The following CCSER1 variants were observed in gnomAD, a reference collection of about 807,000 sequenced individuals.
CCSER1 encodes the protein serine-rich coiled-coil domain-containing protein 1.
In CCSER1, 41 loss-of-function variants were observed where a neutral mutation model predicts 82.0. The ratio of observed to expected loss-of-function variants is 0.50; its 90% confidence interval spans 0.39 to 0.65. CCSER1 has a LOEUF of 0.65. Among genes scored for constraint, CCSER1 ranks in the 30% least tolerant of loss-of-function variants. The probability of loss-of-function intolerance (pLI) is 0.00; values close to 1 mark genes in which losing one functional copy is unlikely to be tolerated. For missense variants in CCSER1, 1,119 were observed against 1,064.2 expected, an observed-to-expected ratio of 1.05 and a Z score of -0.72; for synonymous variants, 414 against 383.9, an observed-to-expected ratio of 1.08 and a Z score of -0.92.
At chr4:91,523,207 C>T (rs1760586958) in intron 10 of CCSER1, among the ~76,000 whole-genome samples, 1 of 152,172 alleles carries the variant, frequency 6.6e-6, no homozygotes, top group Admixed American at 6.5e-5. Context: ...ACCAGCCTTG[C>T]ATCCCAGAAA....
intron 1 of CCSER1, among the ~76,000 whole-genome samples, chr4:90,128,833 CTCT>C (rs1722325870): frequency 6.6e-6 from 1 of 152,002 alleles, no homozygotes; most frequent in African/African-American, 2.4e-5. Context: ...CTCTTTCTCT[CTCT>C]CTCTCTCTCC....
At chr4:91,134,421 C>CAA (rs111247370) in intron 10 of CCSER1, among the ~76,000 whole-genome samples, 2,459 of 141,068 alleles carry the variant, frequency 0.017, 38 homozygotes, top group African/African-American at 0.041. Flanking sequence ...ACCCTGTCTA[C>CAA]AAAAAAAAAA....
chr4:90,874,909 A>G (rs1767000984), intron 8 of CCSER1, among the ~76,000 whole-genome samples: 1 of 152,022 alleles, frequency 6.6e-6, no homozygotes, highest in Non-Finnish European at 1.5e-5. Flanking sequence ...AGCTGGGCGT[A>G]GTGATGCATT....
At position 90,604,224 on chromosome 4, in the gene CCSER1, AT is replaced by A. The variant is rs570338045; in HGVS notation, c.1725-23793del. 2.3e-3 allele frequency among the ~76,000 whole-genome samples: 349 copies of A among 152,082 alleles called. 1 individual carries two copies. Among genetic ancestry groups the A allele is most frequent in the African/African-American group, 7.8e-3 (325 of 41,502 alleles). On this transcript the variant is annotated intron_variant, in intron 5 of 10. Coordinates refer to ENST00000509176, the MANE Select transcript of CCSER1 (RefSeq NM_001145065.2). Reference sequence around the variant, plus strand: ...AGCTGGGAAAAATTACAAAATCTGTATTTTTTTTCTATATCTCACAGAAATC... The same window carrying A: ...AGCTGGGAAAAATTACAAAATCTGTATTTTTTTCTATATCTCACAGAAATC...
intron 10 of CCSER1, among the ~76,000 whole-genome samples, chr4:91,403,743 G>A (rs1460294130): frequency 6.6e-6 from 1 of 152,160 alleles, no homozygotes; most frequent in Admixed American, 6.5e-5. Context: ...CAGGGAAGAA[G>A]CTGACTTCAT....
chr4:91,105,647 T>A (rs952022277), intron 10 of CCSER1, among the ~76,000 whole-genome samples: 1 of 152,054 alleles, frequency 6.6e-6, no homozygotes, highest in Non-Finnish European at 1.5e-5. Context: ...GAAGTTGCAG[T>A]GAGATGAGAT....
intron 8 of CCSER1, among the ~76,000 whole-genome samples, chr4:90,890,548 A>AC (rs1256634271): frequency 6.6e-6 from 1 of 152,172 alleles, no homozygotes; most frequent in East Asian, 1.9e-4. Context: ...CCTGAAAAAC[A>AC]TGGGCATGCC....
At chr4:91,280,799 C>T (rs1410441172) in intron 10 of CCSER1, among the ~76,000 whole-genome samples, 1 of 152,114 alleles carries the variant, frequency 6.6e-6, no homozygotes, top group African/African-American at 2.4e-5. Context: ...TGACAGCAGC[C>T]AGCAGCAGTA....
chr4:91,062,785 T>A (rs1417114603), intron 9 of CCSER1, among the ~76,000 whole-genome samples: 2 of 152,114 alleles, frequency 1.3e-5, no homozygotes, highest in African/African-American at 2.4e-5. Flanking sequence ...GATTTTTTTG[T>A]CATCTCACTA....
chr4:91,058,637 C>T (rs893024683), intron 9 of CCSER1, among the ~76,000 whole-genome samples: 18 of 152,046 alleles, frequency 1.2e-4, no homozygotes, highest in African/African-American at 4.3e-4. Flanking sequence ...TACTATTACT[C>T]ATTCTCTGGT....
chr4:90,312,755 G>T (rs1289540443), intron 2 of CCSER1, 108 bp from the exon 3 acceptor site: 3 of 847,014 alleles, frequency 3.5e-6, no homozygotes, highest in Non-Finnish European at 5.5e-6. Flanking sequence ...TCTTGTGATA[G>T]AGAAACTTTG....
At chr4:91,519,888 C>A (rs1578681093) in intron 10 of CCSER1, among the ~76,000 whole-genome samples, 1 of 152,168 alleles carries the variant, frequency 6.6e-6, no homozygotes. Context: ...TTTTCTGTCT[C>A]TGAAAACAAT....
rs564892769 is a variant in CCSER1, at chr4:91,176,255, C to T, written c.2217+90261C>T. On this transcript the variant is annotated intron_variant, in intron 10 of 10. Coordinates refer to ENST00000509176, the MANE Select transcript of CCSER1 (RefSeq NM_001145065.2). Reference sequence around the variant, plus strand: ...TGCAGTACAGTTTGAAGTCAGGTAGCGTGATGCCTCCAGCTTTGTTCTTTT... The same window carrying T: ...TGCAGTACAGTTTGAAGTCAGGTAGTGTGATGCCTCCAGCTTTGTTCTTTT... Among the ~76,000 whole-genome samples, 46 of 152,236 alleles carry T rather than the reference C, an allele frequency of 3.0e-4. No individual in the cohort carries two copies. In the East Asian group the frequency reaches 6.6e-3, roughly 22 times the overall value.
At chr4:90,213,723 G>T (rs1740477574) in intron 1 of CCSER1, among the ~76,000 whole-genome samples, 1 of 152,136 alleles carries the variant, frequency 6.6e-6, no homozygotes, top group Non-Finnish European at 1.5e-5. Flanking sequence ...ATCAAGAAGG[G>T]ATTAGTCAAC....
chr4:90,159,846 G>A (rs1353586733), intron 1 of CCSER1, among the ~76,000 whole-genome samples: 4 of 152,112 alleles, frequency 2.6e-5, no homozygotes, highest in East Asian at 1.9e-4. Flanking sequence ...ATTGAGGATT[G>A]TTTTATTTCA....
rs536660817 is a variant in CCSER1, at chr4:90,666,859, A to G, written c.1932+38627A>G. Among the ~76,000 whole-genome samples, 30 of 152,306 alleles carry G rather than the reference A, an allele frequency of 2.0e-4. No individual in the cohort carries two copies. The South Asian group carries it at 2.1e-3, about 11-fold the overall frequency. ...GGAAATGTATCAGGAGAAACAACAC[A>G]AAGAACATTATGGGCATGGGAGCGT... On this transcript the variant is annotated intron_variant, in intron 6 of 10. Transcript: ENST00000509176.
intron 8 of CCSER1, among the ~76,000 whole-genome samples, chr4:90,816,837 A>G (rs966825672): frequency 6.6e-5 from 10 of 152,266 alleles, no homozygotes; most frequent in South Asian, 4.1e-4. Context: ...TTAGTGAGAT[A>G]TTGGAGAAAT....
At chr4:90,957,554 A>ATATATTATATAATTATAT (rs1554050157) in intron 9 of CCSER1, among the ~76,000 whole-genome samples, 7,490 of 65,128 alleles carry the variant, frequency 0.12, 360 homozygotes, top group East Asian at 0.35. Context: ...TAATTATATT[A>ATATATTATATAATTATAT]TATATATTAT....
chr4:90,183,276 A>AAC (rs908154951), intron 1 of CCSER1, among the ~76,000 whole-genome samples: 26 of 151,804 alleles, frequency 1.7e-4, no homozygotes, highest in Non-Finnish European at 2.9e-4. Context: ...ATGACCTCCA[A>AAC]ACACACACAC....
Sources: gnomAD v4.1 joint callset for allele counts (sites outside exome capture counted in the v4.1 genomes callset) on GRCh38, gnomAD v4.1.1 for gene constraint, MANE v1.5 for transcripts, NCBI Gene and HGNC (gene_info 2026-07-23, HGNC 2026-07-21) for gene names.